ST8SIA5: variants seen among roughly 807,000 people sequenced by gnomAD.
The protein encoded by ST8SIA5 is alpha-2,8-sialyltransferase 8E.
A neutral mutation model predicts 40.2 loss-of-function variants in ST8SIA5; 24 were observed. The observed-to-expected ratio is 0.60, with a 90% CI of 0.43 to 0.84. ST8SIA5 has a LOEUF of 0.84. ST8SIA5 is among the 40% of genes least tolerant of loss of function. The probability of loss-of-function intolerance (pLI) is 0.00; values close to 1 mark genes in which losing one functional copy is unlikely to be tolerated. For missense variants in ST8SIA5, 465 were observed against 498.5 expected, an observed-to-expected ratio of 0.93 and a Z score of 0.64; for synonymous variants, 198 against 201.8, an observed-to-expected ratio of 0.98 and a Z score of 0.16.
In ST8SIA5 at chr18:46,692,269, G is replaced by A; in HGVS notation, c.225-14C>T. On this transcript the variant is annotated splice_polypyrimidine_tract_variant and intron_variant, in intron 2 of 6. Coordinates refer to ENST00000315087, the MANE Select transcript of ST8SIA5 (RefSeq NM_013305.6). ...GACTGCTTCACCCTTGGGAGTAGAG[G>A]ACAGAAGAGTACATGAGCAGGGTAG... 3.1e-6 allele frequency: 5 copies of A among 1,613,510 alleles called. No homozygotes were observed. The highest frequency in any genetic ancestry group is 4.2e-6 in the Non-Finnish European group (5 of 1,179,450).
In ST8SIA5 at chr18:46,737,347, T is replaced by TA. The variant is rs1202657803; in HGVS notation, c.131+19030dup. Among the ~76,000 whole-genome samples the TA allele has an allele frequency of 4.6e-5, 7 of 152,238 alleles. No homozygotes were observed. In the South Asian group the frequency reaches 1.0e-3, roughly 23 times the overall value. Reference sequence around the variant, plus strand: ...TTGCGAGTTTATTTATACACTGTCTTACATAATTTTTCATGTTTGTCTCTT... The same window carrying TA: ...TTGCGAGTTTATTTATACACTGTCTTAACATAATTTTTCATGTTTGTCTCTT... On this transcript the variant is annotated intron_variant, in intron 1 of 6. Coordinates refer to ENST00000315087, the MANE Select transcript of ST8SIA5 (RefSeq NM_013305.6).
intron 1 of ST8SIA5, among the ~76,000 whole-genome samples, chr18:46,726,010 TC>T (rs2039924179): frequency 2.1e-5 from 1 of 48,190 alleles, no homozygotes; most frequent in Non-Finnish European, 3.8e-5. Context: ...TATATATATA[TC>T]CTGGATATAT....
rs916514238 is a variant in ST8SIA5 at position 46,669,591 on chromosome 18, A to G, written c.*10451T>C. ...AAGTCCTGACCCTCCTGCCCCACAC[A>G]ATAAGGACAACACAAGCAGAATCAG... On this transcript the variant is annotated 3_prime_UTR_variant, in exon 7 of 7. Coordinates refer to ENST00000315087, the MANE Select transcript of ST8SIA5 (RefSeq NM_013305.6). 2.6e-5 allele frequency: 4 copies of G among 152,126 alleles called. No individual in the cohort carries two copies. The highest frequency in any genetic ancestry group is 5.9e-5 in the Non-Finnish European group (4 of 68,128). 9.4% of individuals were successfully genotyped at this position (152,126 alleles called of 1,614,324 possible).
intron 2 of ST8SIA5, among the ~76,000 whole-genome samples, chr18:46,700,934 CAT>C (rs1185133021): frequency 3.3e-5 from 5 of 152,058 alleles, no homozygotes; most frequent in Non-Finnish European, 5.9e-5. Flanking sequence ...ACCATGGGGA[CAT>C]ATGAGGTTGT....
chr18:46,690,417 AGCATG>A (rs960452272), intron 3 of ST8SIA5, among the ~76,000 whole-genome samples: 1 of 152,092 alleles, frequency 6.6e-6, no homozygotes, highest in African/African-American at 2.4e-5. Flanking sequence ...TCTCACTTAG[AGCATG>A]GCAAGGCCTG....
At chr18:46,718,338 A>AAG (rs1174348632) in intron 1 of ST8SIA5, among the ~76,000 whole-genome samples, 9 of 151,726 alleles carry the variant, frequency 5.9e-5, no homozygotes, top group African/African-American at 1.9e-4. Context: ...TCAAAAAAAA[A>AAG]AAAAAAAGAA....
At chr18:46,727,908 A>AAT (rs1273423862) in intron 1 of ST8SIA5, among the ~76,000 whole-genome samples, 1 of 152,184 alleles carries the variant, frequency 6.6e-6, no homozygotes, top group Non-Finnish European at 1.5e-5. Context: ...AAGTCTATAT[A>AAT]AAACAAACCA....
At chr18:46,733,041 A>G (rs4890692) in intron 1 of ST8SIA5, among the ~76,000 whole-genome samples, 38,794 of 152,028 alleles carry the variant, frequency 0.26, 5,225 homozygotes, top group African/African-American at 0.32. Flanking sequence ...AGAAGCCTCC[A>G]GAAAGCAGTG....
chr18:46,696,410 C>T (rs1296570409), intron 2 of ST8SIA5, among the ~76,000 whole-genome samples: 1 of 152,202 alleles, frequency 6.6e-6, no homozygotes, highest in Non-Finnish European at 1.5e-5. Flanking sequence ...CCTGGCAAAA[C>T]TCTAGGCGGG....
intron 1 of ST8SIA5, among the ~76,000 whole-genome samples, chr18:46,725,291 T>G (rs898943216): frequency 6.6e-6 from 1 of 152,036 alleles, no homozygotes; most frequent in Non-Finnish European, 1.5e-5. Context: ...CACAAACATA[T>G]CAAATCAATG....
intron 2 of ST8SIA5, among the ~76,000 whole-genome samples, chr18:46,703,634 G>A (rs531893266): frequency 2.0e-4 from 31 of 152,182 alleles, no homozygotes. Context: ...AGGAACAACG[G>A]TCCCTGCCTG....
At position 46,680,417 on chromosome 18, in the gene ST8SIA5, CGT is replaced by C; in HGVS notation, c.754_755del (p.Thr252AlafsTer62). ...ASVLLPAFYN[T>X]RNTDVSIRVK... ...CGCGGATGGACACGTCGGTGTTGCG[CGT>C]GTTGTAGAAGGCAGGCAGCAGCACC... is the stretch of plus-strand genomic sequence containing the variant. On this transcript the variant is annotated frameshift_variant, in exon 7 of 7. Transcript: ENST00000315087. LOFTEE classifies it high-confidence loss of function. 6.2e-7 allele frequency: 1 copy of C among 1,613,340 alleles called. No individual in the cohort carries two copies. The highest frequency in any genetic ancestry group is 8.5e-7 in the Non-Finnish European group (1 of 1,179,634).
intron 1 of ST8SIA5, among the ~76,000 whole-genome samples, chr18:46,744,549 A>AC (rs139722296): frequency 0.035 from 5,337 of 152,280 alleles, 146 homozygotes; most frequent in East Asian, 0.12. Context: ...ATACAAGAGC[A>AC]CCCAGATTCA....
At position 46,675,343 on chromosome 18, in the gene ST8SIA5, A is replaced by G. The variant is rs1285169617; in HGVS notation, c.*4699T>C. The G allele has an allele frequency of 6.6e-6, 1 of 152,216 alleles. No individual in the cohort carries two copies. Among genetic ancestry groups the G allele is most frequent in the Non-Finnish European group, 1.5e-5 (1 of 68,056 alleles). 9.4% of individuals were successfully genotyped at this position (152,216 alleles called of 1,614,324 possible). A position where few individuals can be genotyped will look rare whatever the true frequency, so the allele number is the denominator to read the frequency against. On this transcript the variant is annotated 3_prime_UTR_variant, in exon 7 of 7. Transcript: ENST00000315087. ...GGTTGGTATCCTGTCCTCATTTCAG[A>G]TGATGAGTCCAGAGCCTCCAGGGGC...
chr18:46,756,352 C>T (rs1030555505), intron 1 of ST8SIA5, 26 bp downstream of exon 1: 6 of 1,607,652 alleles, frequency 3.7e-6, no homozygotes, highest in Admixed American at 3.3e-5. Flanking sequence ...CTCCGCGCAT[C>T]CCGCCCTCTC....
chr18:46,700,794 G>A (rs376731402), intron 2 of ST8SIA5, among the ~76,000 whole-genome samples: 14 of 152,300 alleles, frequency 9.2e-5, no homozygotes, highest in African/African-American at 3.4e-4. Flanking sequence ...GCCAAATGTG[G>A]AGAGGCCCAA....
rs1241029616 is a variant in ST8SIA5, at chr18:46,676,419, ATAATT to A, written c.*3618_*3622del. The stretch of plus-strand genomic sequence containing the variant: ...GGCACAACATGAGCACTCAATAAAT[ATAATT>A]TATTCACCAATTCACTCACTAAATT... On this transcript the variant is annotated 3_prime_UTR_variant, in exon 7 of 7. Transcript: ENST00000315087. 2 of 152,364 alleles carry A rather than the reference ATAATT, an allele frequency of 1.3e-5. No homozygotes were observed. Among genetic ancestry groups the A allele is most frequent in the South Asian group, 2.1e-4 (1 of 4,826 alleles). 9.4% of individuals were successfully genotyped at this position (152,364 alleles called of 1,614,324 possible).
At chr18:46,715,036 G>A (rs895306870) in intron 1 of ST8SIA5, among the ~76,000 whole-genome samples, 13 of 152,272 alleles carry the variant, frequency 8.5e-5, no homozygotes, top group African/African-American at 3.1e-4. Context: ...GCCCCAAGAA[G>A]CCCACATCAG....
intron 1 of ST8SIA5, among the ~76,000 whole-genome samples, chr18:46,737,110 G>T (rs1599146368): frequency 6.6e-6 from 1 of 152,258 alleles, no homozygotes; most frequent in East Asian, 1.9e-4. Context: ...CAGAGCTATG[G>T]TGTCTAAAAA....
Sources: gnomAD v4.1 joint callset for allele counts (sites outside exome capture counted in the v4.1 genomes callset) on GRCh38, gnomAD v4.1.1 for gene constraint, MANE v1.5 for transcripts, NCBI Gene and HGNC (gene_info 2026-07-23, HGNC 2026-07-21) for gene names.